Variants in ANTXR1 observed in about 807,000 individuals in gnomAD.
ANTXR1 encodes ANTXR cell adhesion molecule 1.
A neutral mutation model predicts 78.1 loss-of-function variants in ANTXR1; 19 were observed. The ratio of observed to expected loss-of-function variants is 0.24; its 90% CI spans 0.17 to 0.36. ANTXR1 has a LOEUF of 0.36. Ranked by LOEUF, ANTXR1 falls within the 10% of genes least tolerant of loss-of-function variation. The pLI is 1.00. For missense variants in ANTXR1, 518 were observed against 718.6 expected (o/e 0.72, Z 3.19); for synonymous variants, 273 against 260.5 (o/e 1.05, Z -0.46).
intron 17 of ANTXR1, among the ~76,000 whole-genome samples, chr2:69,237,611 G>T (rs770398159): frequency 6.6e-6 from 1 of 152,026 alleles, no homozygotes; most frequent in African/African-American, 2.4e-5. Context: ...TTGTAGATAC[G>T]GGGTCTCACT....
intron 17 of ANTXR1, among the ~76,000 whole-genome samples, chr2:69,219,140 G>C (rs1174977461): frequency 6.6e-6 from 1 of 152,074 alleles, no homozygotes; most frequent in Non-Finnish European, 1.5e-5. Flanking sequence ...TTGCCCCAGA[G>C]CCAGCCTCTT....
chr2:69,122,252 A>G (rs962399943), intron 10 of ANTXR1, among the ~76,000 whole-genome samples: 13 of 152,322 alleles, frequency 8.5e-5, no homozygotes, highest in Admixed American at 7.8e-4. Flanking sequence ...ACAAAAGCAT[A>G]GCTCATGTTT....
intron 1 of ANTXR1, among the ~76,000 whole-genome samples, chr2:69,016,548 A>C (rs981517367): frequency 6.6e-6 from 1 of 152,228 alleles, no homozygotes; most frequent in African/African-American, 2.4e-5. Flanking sequence ...CATGTTATAC[A>C]AGCTTGTAAG....
At chr2:69,065,589 G>T (rs186927869) in intron 3 of ANTXR1, among the ~76,000 whole-genome samples, 1 of 152,048 alleles carries the variant, frequency 6.6e-6, no homozygotes, top group African/African-American at 2.4e-5. Flanking sequence ...TAAGGGAAAT[G>T]AACAAATATC....
intron 12 of ANTXR1, among the ~76,000 whole-genome samples, chr2:69,148,286 C>T (rs1673287023): frequency 6.6e-6 from 1 of 152,170 alleles, no homozygotes; most frequent in Admixed American, 6.5e-5. Context: ...CCTCCACTGC[C>T]CCTGCCCTAC....
intron 12 of ANTXR1, among the ~76,000 whole-genome samples, chr2:69,128,740 C>T (rs753713485): frequency 2.4e-4 from 36 of 152,266 alleles, no homozygotes; most frequent in Admixed American, 2.3e-3. Flanking sequence ...CTTGGACTTT[C>T]GTTTGTTTCT....
intron 3 of ANTXR1, among the ~76,000 whole-genome samples, chr2:69,068,748 C>T (rs1279806226): frequency 1.3e-5 from 2 of 152,078 alleles, no homozygotes; most frequent in African/African-American, 2.4e-5. Context: ...TTCTTGCAGC[C>T]TTATGGAGAA....
intron 10 of ANTXR1, among the ~76,000 whole-genome samples, chr2:69,112,155 G>A (rs186032148): frequency 1.1e-4 from 17 of 152,228 alleles, no homozygotes; most frequent in South Asian, 4.1e-4. Flanking sequence ...GGGAGCTTCC[G>A]CCAAGTGATA....
At chr2:69,146,690 T>A (rs991908947) in intron 12 of ANTXR1, among the ~76,000 whole-genome samples, 5 of 152,240 alleles carry the variant, frequency 3.3e-5, no homozygotes, top group Admixed American at 2.6e-4. Flanking sequence ...TCATGGAGAA[T>A]GAGTCTGAAC....
rs558738575 is a variant in ANTXR1 at position 69,154,747 on chromosome 2, G to T, written c.1047+2483G>T. ...AAAAGACCTAAAAAACGTGGGGTAC[G>T]TGTCTGCCGTGTGCCTTCTCCTTCC... is the stretch of plus-strand genomic sequence containing the variant. On this transcript the variant is annotated intron_variant, in intron 13 of 17. Coordinates refer to ENST00000303714, the MANE Select transcript of ANTXR1 (RefSeq NM_032208.3). Among the ~76,000 whole-genome samples the T allele has an allele frequency of 2.0e-5, 3 of 152,208 alleles. No homozygotes were observed. The South Asian group carries it at 6.2e-4, about 31-fold the overall frequency.
chr2:69,107,167 C>A (rs1213956249), intron 10 of ANTXR1, among the ~76,000 whole-genome samples: 1 of 151,806 alleles, frequency 6.6e-6, no homozygotes, highest in Admixed American at 6.6e-5. Context: ...CAAGTTTTAT[C>A]AAGTTTTAAG....
At chr2:69,013,150 T>G, upstream of ANTXR1, 1 of 105,150 alleles carries the variant, frequency 9.5e-6, no homozygotes, top group Non-Finnish European at 1.8e-5. The surrounding 1 kb of genome is among the most constrained non-coding windows in gnomAD (Gnocchi z 5.0). Flanking sequence ...CCCCATCATA[T>G]TTAAAATCTG....
intron 17 of ANTXR1, among the ~76,000 whole-genome samples, chr2:69,198,275 A>AT (rs1674706542): frequency 6.6e-6 from 1 of 152,130 alleles, no homozygotes; most frequent in Non-Finnish European, 1.5e-5. Context: ...ATGCTCCTCA[A>AT]TATTATTAAC....
intron 12 of ANTXR1, among the ~76,000 whole-genome samples, chr2:69,133,302 G>C (rs1364476285): frequency 6.6e-6 from 1 of 152,180 alleles, no homozygotes; most frequent in Non-Finnish European, 1.5e-5. Context: ...CAGTTGCAGA[G>C]AACAGAATCA....
chr2:69,216,506 C>T (rs982178826), intron 17 of ANTXR1, among the ~76,000 whole-genome samples: 4 of 152,222 alleles, frequency 2.6e-5, no homozygotes, highest in Admixed American at 1.3e-4. Context: ...CGCACACACA[C>T]GATTTTCTCA....
Position 69,163,301 on chromosome 2 carries a change from C to G in ANTXR1, c.1048-6947C>G, listed in dbSNP as rs540499439. Among the ~76,000 whole-genome samples, 70 of 124,114 alleles carry G rather than the reference C, an allele frequency of 5.6e-4. 1 individual carries two copies. The highest frequency in any genetic ancestry group is 9.5e-4 in the Non-Finnish European group (57 of 59,766). 81.4% of individuals were successfully genotyped at this position (124,114 alleles called of 152,430 possible). ...TCAGCTTTTGTTGTGTTGCCAGGTT[C>G]CTCTTTTCATGTAAAAAAAAAAGCA... On this transcript the variant is annotated intron_variant, in intron 13 of 17. Transcript: ENST00000303714.
chr2:69,168,908 A>G (rs540149248), intron 13 of ANTXR1, among the ~76,000 whole-genome samples: 1 of 152,264 alleles, frequency 6.6e-6, no homozygotes, highest in African/African-American at 2.4e-5. Context: ...TGCCTCTTCA[A>G]TTAATGGAAT....
intron 8 of ANTXR1, among the ~76,000 whole-genome samples, chr2:69,084,875 C>T (rs1365647879): frequency 1.8e-5 from 2 of 108,508 alleles, no homozygotes; most frequent in Admixed American, 1.2e-4. Context: ...TTTTTTGAGG[C>T]AGAGTCTCGC....
intron 1 of ANTXR1, among the ~76,000 whole-genome samples, chr2:69,027,261 C>T (rs867016400): frequency 3.3e-5 from 5 of 152,150 alleles, no homozygotes; most frequent in East Asian, 3.8e-4. Context: ...TCCTGTCCAG[C>T]GCTGCTGAGT....
Sources: allele counts gnomAD v4.1 joint callset (sites outside exome capture counted in the v4.1 genomes callset), GRCh38; gene constraint gnomAD v4.1.1; non-coding constraint Gnocchi (gnomAD v3.1); transcripts MANE v1.5; gene names NCBI Gene and HGNC (gene_info 2026-07-23, HGNC 2026-07-21).